The following TYW1 variants were observed in gnomAD, a reference collection of about 807,000 sequenced individuals.
TYW1 encodes S-adenosyl-L-methionine-dependent tRNA 4-demethylwyosine synthase TYW1.
A neutral mutation model predicts 96.2 loss-of-function variants in TYW1; 46 were observed. That is an observed-to-expected ratio of 0.48 (90% CI 0.38 to 0.61). TYW1 has a LOEUF of 0.61. TYW1 is among the 20% of genes least tolerant of loss of function. TYW1 has a pLI of 0.00. For missense variants in TYW1, 684 were observed against 909.6 expected, an observed-to-expected ratio of 0.75 and a Z score of 3.19; for synonymous variants, 274 against 323.0, an observed-to-expected ratio of 0.85 and a Z score of 1.63.
intron 12 of TYW1, among the ~76,000 whole-genome samples, chr7:67,107,813 A>C (rs1584569676): frequency 2.2e-5 from 3 of 138,728 alleles, no homozygotes; most frequent in African/African-American, 5.5e-5. Context: ...TGATCCTCCC[A>C]CCCTGGCCTC....
chr7:67,109,150 T>C (rs1281438036), intron 12 of TYW1, among the ~76,000 whole-genome samples: 1 of 151,606 alleles, frequency 6.6e-6, no homozygotes, highest in African/African-American at 2.4e-5. Context: ...GGCGGGCACC[T>C]GTAGTCCCAG....
intron 12 of TYW1, among the ~76,000 whole-genome samples, chr7:67,109,377 G>A (rs1420094581): frequency 6.6e-6 from 1 of 151,294 alleles, no homozygotes; most frequent in Non-Finnish European, 1.5e-5. Flanking sequence ...GCAGAGCACA[G>A]ACCTTAAAAA....
intron 10 of TYW1, among the ~76,000 whole-genome samples, chr7:67,075,084 G>A (rs1474868894): frequency 6.6e-6 from 1 of 152,168 alleles, no homozygotes; most frequent in East Asian, 1.9e-4. Context: ...GTACATAGAT[G>A]TGATTTTTTC....
intron 3 of TYW1, among the ~76,000 whole-genome samples, chr7:67,006,509 G>A (rs1399497047): frequency 7.3e-6 from 1 of 136,140 alleles, no homozygotes; most frequent in East Asian, 2.1e-4. Context: ...GCGTGATCTC[G>A]GCTCACTGCG....
intron 14 of TYW1, among the ~76,000 whole-genome samples, chr7:67,185,198 A>G (rs1799982739): frequency 6.6e-6 from 1 of 151,852 alleles, no homozygotes; most frequent in Non-Finnish European, 1.5e-5. Context: ...AAGCAAAGAT[A>G]AGGGGATTGG....
chr7:67,164,115 T>C (rs1361171301), intron 13 of TYW1, among the ~76,000 whole-genome samples: 2 of 152,204 alleles, frequency 1.3e-5, no homozygotes. Context: ...AAAACTTTTG[T>C]TGTATTTCCT....
At chr7:67,017,373 C>T (rs1794061379) in intron 5 of TYW1, among the ~76,000 whole-genome samples, 1 of 152,168 alleles carries the variant, frequency 6.6e-6, no homozygotes, top group Non-Finnish European at 1.5e-5. Context: ...AACTCCTGTT[C>T]CTCAGCTTAA....
chr7:67,088,069 T>C (rs2115799795), intron 11 of TYW1, among the ~76,000 whole-genome samples: 1 of 152,262 alleles, frequency 6.6e-6, no homozygotes, highest in Middle Eastern at 3.4e-3. Context: ...TTCCCTATAT[T>C]GCGCAGGCTG....
intron 13 of TYW1, among the ~76,000 whole-genome samples, chr7:67,140,599 T>C (rs62464963): frequency 0.3 from 45,535 of 151,778 alleles, 7,121 homozygotes; most frequent in African/African-American, 0.39. Flanking sequence ...TCCACACAGC[T>C]CTTAAATATA....
At chr7:67,220,234 G>T (rs1275444651) in intron 15 of TYW1, among the ~76,000 whole-genome samples, 3 of 117,136 alleles carry the variant, frequency 2.6e-5, no homozygotes, top group African/African-American at 9.8e-5. Flanking sequence ...GATGGAGTCT[G>T]GCTCTGTCAC....
At chr7:67,118,096 A>G (rs982313002) in intron 13 of TYW1, among the ~76,000 whole-genome samples, 1 of 152,180 alleles carries the variant, frequency 6.6e-6, no homozygotes, top group African/African-American at 2.4e-5. Flanking sequence ...AGGGCGAGGC[A>G]GGTGGATCAC....
intron 15 of TYW1, among the ~76,000 whole-genome samples, chr7:67,201,354 T>C (rs953842805): frequency 2.9e-5 from 4 of 136,578 alleles, no homozygotes; most frequent in Non-Finnish European, 6.2e-5. Context: ...AAACCTGTTA[T>C]AACCCTCAGG....
At chr7:67,222,211 A>G (rs1801415516) in intron 15 of TYW1, among the ~76,000 whole-genome samples, 1 of 152,110 alleles carries the variant, frequency 6.6e-6, no homozygotes, top group African/African-American at 2.4e-5. Context: ...AAATAAAAAG[A>G]AAAGAAAAAA....
chr7:67,001,062 C>A (rs1793369244), intron 3 of TYW1, among the ~76,000 whole-genome samples: 1 of 151,430 alleles, frequency 6.6e-6, no homozygotes, highest in Non-Finnish European at 1.5e-5. Flanking sequence ...TTTTTCAGAG[C>A]CTCTTTATGC....
At chr7:67,001,639 C>T (rs930136437) in intron 3 of TYW1, among the ~76,000 whole-genome samples, 12 of 151,620 alleles carry the variant, frequency 7.9e-5, no homozygotes, top group African/African-American at 2.4e-4. Context: ...TCAGACTGTT[C>T]TCGAACTCCT....
intron 15 of TYW1, among the ~76,000 whole-genome samples, chr7:67,196,427 A>G (rs1800395122): frequency 6.8e-6 from 1 of 147,482 alleles, no homozygotes; most frequent in Non-Finnish European, 1.5e-5. Flanking sequence ...GTTCTCATTC[A>G]TGTTGCCTTG....
At position 67,036,287 on chromosome 7, in the gene TYW1, C is replaced by T. The variant is rs536850223; in HGVS notation, c.984+11265C>T. 2.6e-5 allele frequency among the ~76,000 whole-genome samples: 4 copies of T among 151,510 alleles called. No individual in the cohort carries two copies. The South Asian group carries it at 8.3e-4, about 32-fold the overall frequency. The stretch of plus-strand genomic sequence containing the variant: ...GCTGGGGACTGGTATTATGTGAGTG[C>T]ATACCAATTATACATGGGATTATAA... On this transcript the variant is annotated intron_variant, in intron 7 of 15. Transcript: ENST00000359626.
chr7:67,120,101 A>G (rs1797716865), intron 13 of TYW1, among the ~76,000 whole-genome samples: 1 of 149,646 alleles, frequency 6.7e-6, no homozygotes, highest in Non-Finnish European at 1.5e-5. Context: ...TCTTTTTTTG[A>G]GATGGAGTCT....
At chr7:67,013,220 T>G (rs553038831) in intron 4 of TYW1, among the ~76,000 whole-genome samples, 16 of 151,858 alleles carry the variant, frequency 1.1e-4, no homozygotes, top group Non-Finnish European at 2.2e-4. Context: ...CCTCCTGGGC[T>G]CAAGCAGTTC....
Sources: allele counts gnomAD v4.1 joint callset (sites outside exome capture counted in the v4.1 genomes callset), GRCh38; gene constraint gnomAD v4.1.1; transcripts MANE v1.5; gene names NCBI Gene and HGNC (gene_info 2026-07-23, HGNC 2026-07-21).